MCC: variants seen among roughly 807,000 people sequenced by gnomAD.
MCC encodes the protein colorectal mutant cancer protein.
Under a neutral mutation model 116.2 loss-of-function variants are expected in MCC, and 90 were observed. The observed-to-expected ratio is 0.77, with a 90% CI of 0.65 to 0.92. MCC has a LOEUF of 0.92. Among genes scored for constraint, MCC ranks in the 40% least tolerant of loss-of-function variants. The pLI is 0.00. For missense variants in MCC, 1,516 were observed against 1,312.2 expected (o/e 1.16, Z -2.40); for synonymous variants, 578 against 510.5 (o/e 1.13, Z -1.78).
At chr5:113,159,438 C>A (rs1760360766) in intron 3 of MCC, among the ~76,000 whole-genome samples, 1 of 152,194 alleles carries the variant, frequency 6.6e-6, no homozygotes, top group Admixed American at 6.5e-5. Context: ...AATTTGAGAA[C>A]ATCTAGTCCA....
intron 1 of MCC, among the ~76,000 whole-genome samples, chr5:113,406,882 T>G (rs1769849661): frequency 6.6e-6 from 1 of 152,182 alleles, no homozygotes; most frequent in Admixed American, 6.5e-5. Context: ...TGGGAGCAAG[T>G]GCCATCCTTA....
chr5:113,391,323 A>G (rs1769396122), intron 1 of MCC, among the ~76,000 whole-genome samples: 2 of 152,188 alleles, frequency 1.3e-5, no homozygotes, highest in African/African-American at 4.8e-5. Context: ...CTGGGTTTAT[A>G]GCCAGCCAGT....
chr5:113,467,402 T>C (rs1472541254), intron 1 of MCC, among the ~76,000 whole-genome samples: 1 of 152,150 alleles, frequency 6.6e-6, no homozygotes, highest in Admixed American at 6.5e-5. Flanking sequence ...TTTCTACATA[T>C]GGCTAGCCAG....
At chr5:113,067,742 C>A (rs1383601896) in intron 13 of MCC, among the ~76,000 whole-genome samples, 1 of 152,280 alleles carries the variant, frequency 6.6e-6, no homozygotes. Flanking sequence ...CAGCATGTGC[C>A]TTGACAACAG....
Position 113,220,057 on chromosome 5 carries a change from C to CTTTTTT in MCC, c.628-68636_628-68635insAAAAAA, listed in dbSNP as rs1229213218. 9.8e-4 allele frequency among the ~76,000 whole-genome samples: 78 copies of CTTTTTT among 79,548 alleles called. 15 individuals carry two copies. In the Middle Eastern group the frequency reaches 0.029, roughly 29 times the overall value. 52.2% of individuals were successfully genotyped at this position (79,548 alleles called of 152,430 possible). A position where few individuals can be genotyped will look rare whatever the true frequency, so the allele number is the denominator to read the frequency against. On this transcript the variant is annotated intron_variant, in intron 3 of 18. Transcript: ENST00000408903. Reference sequence around the variant, plus strand: ...AACTTTGGAATCTGCATGTCAATTTCTTTTTCTTTTTTTTTTTTGAGACGG... The same window carrying CTTTTTT: ...AACTTTGGAATCTGCATGTCAATTTCTTTTTTTTTTTCTTTTTTTTTTTTGAGACGG...
At chr5:113,471,654 T>C (rs1291245468) in intron 1 of MCC, among the ~76,000 whole-genome samples, 1 of 152,026 alleles carries the variant, frequency 6.6e-6, no homozygotes, top group East Asian at 1.9e-4. Flanking sequence ...CTTTCTCAGA[T>C]CTCAAGCTGC....
intron 1 of MCC, among the ~76,000 whole-genome samples, chr5:113,465,982 G>C (rs1216786684): frequency 6.6e-6 from 1 of 151,618 alleles, no homozygotes; most frequent in African/African-American, 2.4e-5. Context: ...CATCGCTCAG[G>C]CTGGAGTGCG....
chr5:113,089,622 C>T (rs1206241336), intron 8 of MCC, among the ~76,000 whole-genome samples: 1 of 152,240 alleles, frequency 6.6e-6, no homozygotes, highest in African/African-American at 2.4e-5. Flanking sequence ...GCACTATCTG[C>T]TATGGTAGCC....
intron 2 of MCC, 111 bp downstream of exon 2, chr5:113,384,857 T>G: frequency 7.7e-7 from 1 of 1,292,164 alleles, no homozygotes; most frequent in Non-Finnish European, 1.1e-6. Context: ...GAGGGCAGCC[T>G]CAGTATGAGC....
chr5:113,351,442 A>G (rs748346171), intron 2 of MCC, among the ~76,000 whole-genome samples: 14 of 152,308 alleles, frequency 9.2e-5, no homozygotes, highest in Non-Finnish European at 1.3e-4. Flanking sequence ...CCAGGCACAG[A>G]AAGACAAATT....
At chr5:113,449,451 A>T (rs1184101667) in intron 1 of MCC, among the ~76,000 whole-genome samples, 1 of 152,220 alleles carries the variant, frequency 6.6e-6, no homozygotes, top group East Asian at 1.9e-4. Flanking sequence ...GAAAGGGTGC[A>T]TTCATTCACT....
chr5:113,416,684 G>T (rs1770160144), intron 1 of MCC, among the ~76,000 whole-genome samples: 1 of 152,082 alleles, frequency 6.6e-6, no homozygotes, highest in South Asian at 2.1e-4. Context: ...AGATGAAGTG[G>T]CTAGAAAACA....
chr5:113,077,241 G>A (rs1754521420), intron 11 of MCC, among the ~76,000 whole-genome samples: 1 of 152,148 alleles, frequency 6.6e-6, no homozygotes, highest in African/African-American at 2.4e-5. Flanking sequence ...ACATTAGACA[G>A]ATCAATGAGA....
intron 3 of MCC, among the ~76,000 whole-genome samples, chr5:113,194,618 A>C (rs1762304323): frequency 6.6e-6 from 1 of 152,302 alleles, no homozygotes; most frequent in East Asian, 1.9e-4. Context: ...AGATTACATC[A>C]CTGCACTTCA....
intron 3 of MCC, among the ~76,000 whole-genome samples, chr5:113,197,859 A>G (rs1762488618): frequency 6.6e-6 from 1 of 152,230 alleles, no homozygotes; most frequent in Non-Finnish European, 1.5e-5. Context: ...TGCTCTGTGC[A>G]CCAGGCTATG....
chr5:113,214,010 G>C (rs957931818), intron 3 of MCC, among the ~76,000 whole-genome samples: 2 of 152,150 alleles, frequency 1.3e-5, no homozygotes, highest in Admixed American at 1.3e-4. Context: ...GCCAAGTCCA[G>C]AATTTGTAGG....
In MCC at chr5:113,202,415, C is replaced by T. The variant is rs932757217; in HGVS notation, c.628-50993G>A. Among the ~76,000 whole-genome samples the T allele has an allele frequency of 3.9e-5, 6 of 152,176 alleles. No homozygotes were observed. The East Asian group carries it at 1.2e-3, about 29-fold the overall frequency. On this transcript the variant is annotated intron_variant, in intron 3 of 18. Transcript: ENST00000408903. ...CTGATAACCTACACTGGGGTAGCTC[C>T]GACACTGGGTTTACTTTGAAAGATT...
At chr5:113,054,732 G>T (rs1752704448) in intron 14 of MCC, among the ~76,000 whole-genome samples, 1 of 152,184 alleles carries the variant, frequency 6.6e-6, no homozygotes, top group South Asian at 2.1e-4. Context: ...GCTGGCCCAA[G>T]GGCCCTTGGC....
At chr5:113,039,488 T>G (rs1293559347) in intron 17 of MCC, among the ~76,000 whole-genome samples, 1 of 152,172 alleles carries the variant, frequency 6.6e-6, no homozygotes, top group African/African-American at 2.4e-5. Flanking sequence ...GACATGGCTG[T>G]TTACTGGAGG....
Sources: gnomAD v4.1 joint callset for allele counts (sites outside exome capture counted in the v4.1 genomes callset) on GRCh38, gnomAD v4.1.1 for gene constraint, MANE v1.5 for transcripts, NCBI Gene and HGNC (gene_info 2026-07-23, HGNC 2026-07-21) for gene names.